The following SCTR variants were observed in gnomAD, a reference collection of about 807,000 sequenced individuals.
The protein encoded by SCTR is secretin receptor.
Under a neutral mutation model 60.8 loss-of-function variants are expected in SCTR, and 56 were observed. That is an observed-to-expected ratio of 0.92 (90% CI 0.74 to 1.15). The LOEUF (loss-of-function observed/expected upper bound fraction) is 1.15, where lower values mean the gene tolerates loss of function less well. Among genes scored for constraint, SCTR ranks in the 50% most tolerant of loss-of-function variants. SCTR has a pLI of 0.00. For synonymous variants in SCTR, 202 were observed against 217.0 expected (o/e 0.93, Z 0.61); for missense variants, 562 against 550.4 (o/e 1.02, Z -0.21).
intron 11 of SCTR, among the ~76,000 whole-genome samples, chr2:119,443,005 G>A (rs1316671655): frequency 6.6e-6 from 1 of 152,162 alleles, no homozygotes; most frequent in African/African-American, 2.4e-5. Context: ...CACAAGCGAG[G>A]GAACTGAGGC....
chr2:119,446,623 G>A, intron 11 of SCTR, 136 bp downstream of exon 11: 1 of 793,638 alleles, frequency 1.3e-6, no homozygotes, highest in South Asian at 4.1e-5. Flanking sequence ...CTGTAGCACT[G>A]TCAGGTCCGA....
intron 1 of SCTR, among the ~76,000 whole-genome samples, chr2:119,512,820 G>A (rs555712307): frequency 1.3e-5 from 2 of 152,086 alleles, no homozygotes; most frequent in African/African-American, 4.8e-5. Context: ...CTTTTCTATA[G>A]CATCCTTTTC....
intron 2 of SCTR, among the ~76,000 whole-genome samples, chr2:119,482,709 G>A (rs182400874): frequency 3.3e-5 from 5 of 152,288 alleles, no homozygotes; most frequent in East Asian, 1.9e-4. Context: ...GCAGGGTCTC[G>A]GGAACTCAGC....
intron 11 of SCTR, 180 bp from the exon 12 acceptor site, chr2:119,441,779 G>A: frequency 3.3e-6 from 2 of 610,138 alleles, no homozygotes; most frequent in Non-Finnish European, 6.0e-6. Context: ...GGCCCTGGCT[G>A]TGCTGGCTCA....
intron 1 of SCTR, among the ~76,000 whole-genome samples, chr2:119,514,209 CT>C (rs898414890): frequency 6.6e-6 from 1 of 152,200 alleles, no homozygotes; most frequent in Admixed American, 6.5e-5. Flanking sequence ...CAACTGCCCC[CT>C]GGGAAGAACC....
At chr2:119,522,132 T>C (rs1679305898) in intron 1 of SCTR, among the ~76,000 whole-genome samples, 1 of 151,994 alleles carries the variant, frequency 6.6e-6, no homozygotes, top group South Asian at 2.1e-4. Context: ...CCATCTCTAC[T>C]AAAAATACAA....
At chr2:119,485,600 C>T (rs1019508671) in intron 2 of SCTR, among the ~76,000 whole-genome samples, 6 of 152,220 alleles carry the variant, frequency 3.9e-5, no homozygotes, top group Admixed American at 1.3e-4. Context: ...AGGAACAGCC[C>T]GGCCCCCGGG....
intron 2 of SCTR, among the ~76,000 whole-genome samples, chr2:119,488,724 C>T (rs1194960448): frequency 6.6e-6 from 1 of 152,206 alleles, no homozygotes; most frequent in Non-Finnish European, 1.5e-5. Flanking sequence ...CTTGGCTGCA[C>T]CGAAGGGCTG....
intron 6 of SCTR, among the ~76,000 whole-genome samples, chr2:119,462,802 G>C (rs970120577): frequency 2.0e-5 from 3 of 152,232 alleles, no homozygotes; most frequent in Non-Finnish European, 4.4e-5. Flanking sequence ...CCTGGGGACA[G>C]TGGTGGTTCC....
chr2:119,494,609 G>T (rs1176515470), intron 1 of SCTR, 61 bp from the exon 2 acceptor site: 2 of 1,579,746 alleles, frequency 1.3e-6, no homozygotes, highest in South Asian at 1.1e-5. Flanking sequence ...CCACATGGGG[G>T]AGAATGGGGC....
At chr2:119,511,212 C>CAA (rs544266795) in intron 1 of SCTR, among the ~76,000 whole-genome samples, 1 of 140,164 alleles carries the variant, frequency 7.1e-6, no homozygotes, top group African/African-American at 2.6e-5. Flanking sequence ...ATCTCCGTCT[C>CAA]AAAAAAAAAA....
chr2:119,514,140 TG>T (rs1427628486), intron 1 of SCTR, among the ~76,000 whole-genome samples: 1 of 152,230 alleles, frequency 6.6e-6, no homozygotes, highest in Non-Finnish European at 1.5e-5. Flanking sequence ...TCTCTTTCTT[TG>T]GGTTATTTTT....
chr2:119,497,348 C>CAA (rs144617003), intron 1 of SCTR, among the ~76,000 whole-genome samples: 8 of 139,008 alleles, frequency 5.8e-5, no homozygotes, highest in African/African-American at 1.8e-4. Flanking sequence ...CTTCCCCTCT[C>CAA]AAAAAAAAAA....
intron 2 of SCTR, among the ~76,000 whole-genome samples, chr2:119,483,979 G>T (rs1286925988): frequency 6.6e-6 from 1 of 152,066 alleles, no homozygotes; most frequent in African/African-American, 2.4e-5. Flanking sequence ...GCAGGGGAGA[G>T]CGCTCCCAGC....
intron 12 of SCTR, among the ~76,000 whole-genome samples, chr2:119,440,833 C>T (rs1202966523): frequency 1.3e-5 from 2 of 152,220 alleles, no homozygotes; most frequent in Non-Finnish European, 2.9e-5. Context: ...TGTAAATTTC[C>T]TTCACAATTC....
intron 5 of SCTR, among the ~76,000 whole-genome samples, chr2:119,464,720 C>T (rs1683759903): frequency 6.6e-6 from 1 of 152,148 alleles, no homozygotes; most frequent in Admixed American, 6.5e-5. Context: ...CAGAGCAAGA[C>T]TTTGTCTCTA....
intron 1 of SCTR, among the ~76,000 whole-genome samples, chr2:119,500,954 C>T (rs1008827624): frequency 6.6e-5 from 10 of 151,866 alleles, no homozygotes; most frequent in Admixed American, 2.6e-4. Context: ...TTGATCTTTA[C>T]AAATTATATG....
At chr2:119,462,908 G>A (rs1683673473) in intron 6 of SCTR, among the ~76,000 whole-genome samples, 1 of 152,204 alleles carries the variant, frequency 6.6e-6, no homozygotes, top group Admixed American at 6.5e-5. Flanking sequence ...GTTCCCTGCT[G>A]GGGCATTGCT....
chr2:119,478,824 G>T lies in SCTR; in HGVS notation c.288C>A (p.Leu96=). The T allele has an allele frequency of 6.2e-7, 1 of 1,614,148 alleles. No individual in the cohort carries two copies. Among genetic ancestry groups the T allele is most frequent in the African/African-American group, 1.3e-5 (1 of 75,050 alleles). The change falls in exon 3 of 13, where the codon CTC becomes CTA. Residue 96 remains leucine, a synonymous_variant. Coordinates refer to ENST00000019103, the MANE Select transcript of SCTR (RefSeq NM_002980.3). ...CCGAGTGGTTACCATTTCTGCTGGTGAGCATCCGGAGGAATCTCGGGCATT... is the reference window on the plus strand; with the variant it reads ...CCGAGTGGTTACCATTTCTGCTGGTTAGCATCCGGAGGAATCTCGGGCATT... The part of the protein sequence containing the change: ...EVECPRFLRM[L]TSRNGSLFRN...
Sources: allele counts gnomAD v4.1 joint callset (sites outside exome capture counted in the v4.1 genomes callset), GRCh38; gene constraint gnomAD v4.1.1; transcripts MANE v1.5; gene names NCBI Gene and HGNC (gene_info 2026-07-23, HGNC 2026-07-21).